GRXCR2: variants seen among roughly 807,000 people sequenced by gnomAD.
GRXCR2 encodes glutaredoxin domain-containing cysteine-rich protein 2.
Under a neutral mutation model 24.8 loss-of-function variants are expected in GRXCR2, and 23 were observed. The ratio of observed to expected loss-of-function variants is 0.93; its 90% CI spans 0.67 to 1.32. The LOEUF is 1.32. Ranked by LOEUF, GRXCR2 falls within the 40% of genes most tolerant of loss-of-function variation. The pLI is 0.00. For synonymous variants in GRXCR2, 130 were observed against 116.1 expected, an observed-to-expected ratio of 1.12 and a Z score of -0.77; for missense variants, 315 against 303.4, an observed-to-expected ratio of 1.04 and a Z score of -0.28.
In GRXCR2 at chr5:145,866,554, C is replaced by G. The variant is rs754874283; in HGVS notation, c.511G>C (p.Asp171His). The change falls in exon 2 of 3, where the codon GAT (aspartate) becomes CAT (histidine). Residue 171 changes from aspartate (D) to histidine (H), a missense_variant. Physicochemically the swap from Asp to His is moderately conservative, Grantham distance 81. Transcript: ENST00000377976. ...EESYGGRDQHDRPLVEAESTL... is the reference protein window; with the variant it reads ...EESYGGRDQHHRPLVEAESTL... ...CTTTCTGCCTCCACCAAAGGTCTATCGTGCTGGTCCCTGCCTCCATAGCTT... is the reference window on the plus strand; with the variant it reads ...CTTTCTGCCTCCACCAAAGGTCTATGGTGCTGGTCCCTGCCTCCATAGCTT... 11 of 1,614,060 alleles carry G rather than the reference C, an allele frequency of 6.8e-6. No homozygotes were observed. Among genetic ancestry groups the G allele is most frequent in the Middle Eastern group, 1.6e-4 (1 of 6,084 alleles).
chr5:145,898,111 C>T (rs1756975042), intron 2 of GRXCR2, among the ~76,000 whole-genome samples: 1 of 151,826 alleles, frequency 6.6e-6, no homozygotes, highest in Non-Finnish European at 1.5e-5. Flanking sequence ...CAAATAAGCA[C>T]AATCAGAAAT....
At chr5:145,870,622 C>T (rs1275127335) in intron 1 of GRXCR2, among the ~76,000 whole-genome samples, 1 of 152,050 alleles carries the variant, frequency 6.6e-6, no homozygotes, top group East Asian at 1.9e-4. Flanking sequence ...GGTCTCATAG[C>T]CAATATTTAC....
chr5:145,894,875 A>G lies in GRXCR2; in HGVS notation c.-69-28147T>C, dbSNP rs1483523470. Among the ~76,000 whole-genome samples the G allele has an allele frequency of 2.6e-5, 4 of 152,322 alleles. No individual in the cohort carries two copies. In the East Asian group the frequency reaches 7.7e-4, roughly 29 times the overall value. ...CAATATCCCTGATGAACATCGATGC[A>G]AAAATCCTCAATAAAATACTGGCAA... On this transcript the variant is annotated intron_variant, in intron 2 of 3. Coordinates refer to the GRXCR2 transcript ENST00000639411.
intron 2 of GRXCR2, among the ~76,000 whole-genome samples, chr5:145,893,207 G>T (rs1474896402): frequency 2.0e-5 from 3 of 152,132 alleles, no homozygotes; most frequent in South Asian, 4.1e-4. Flanking sequence ...ATCAAGGCTA[G>T]GAAGAAACTG....
chr5:145,875,206 C>T (rs113069575), upstream of GRXCR2, among the ~76,000 whole-genome samples: 793 of 152,266 alleles, frequency 5.2e-3, 9 homozygotes, highest in African/African-American at 0.018. Flanking sequence ...GTGAGAGAAA[C>T]CAAATACACA....
intron 2 of GRXCR2, among the ~76,000 whole-genome samples, chr5:145,906,201 T>C (rs1001699473): frequency 6.2e-4 from 94 of 152,236 alleles, no homozygotes; most frequent in African/African-American, 2.3e-3. Flanking sequence ...ACCCCCACTC[T>C]CTCACTCTCC....
At chr5:145,889,348 G>A (rs1756829742) in intron 2 of GRXCR2, among the ~76,000 whole-genome samples, 1 of 152,068 alleles carries the variant, frequency 6.6e-6, no homozygotes, top group South Asian at 2.1e-4. Flanking sequence ...TGGGTGATGG[G>A]TGCACTAAAA....
At chr5:145,877,646 A>G (rs932836677), upstream of GRXCR2, among the ~76,000 whole-genome samples, 1 of 152,246 alleles carries the variant, frequency 6.6e-6, no homozygotes, top group African/African-American at 2.4e-5. Flanking sequence ...AAAGTGATCA[A>G]CGCAGAAGAC....
intron 2 of GRXCR2, among the ~76,000 whole-genome samples, chr5:145,882,663 C>T (rs1004381693): frequency 4.6e-5 from 7 of 152,136 alleles, no homozygotes; most frequent in Non-Finnish European, 7.4e-5. Flanking sequence ...CCAGCCATCC[C>T]ATTACTGGGT....
chr5:145,927,011 A>G (rs1048032186), intron 2 of GRXCR2, among the ~76,000 whole-genome samples: 1 of 152,176 alleles, frequency 6.6e-6, no homozygotes, highest in African/African-American at 2.4e-5. Flanking sequence ...GAGTTCACTC[A>G]TGATTTAGCT....
At chr5:145,864,817 C>A (rs948820679) in intron 2 of GRXCR2, among the ~76,000 whole-genome samples, 12 of 152,020 alleles carry the variant, frequency 7.9e-5, no homozygotes, top group Admixed American at 2.0e-4. Flanking sequence ...AATACAGTGA[C>A]AAAGGGGGTG....
chr5:145,915,140 T>C (rs62393674), intron 2 of GRXCR2, among the ~76,000 whole-genome samples: 2,818 of 152,170 alleles, frequency 0.019, 44 homozygotes, highest in Middle Eastern at 0.031. Flanking sequence ...TGGATGGCTG[T>C]GGTGAGAGTG....
At chr5:145,867,655 C>T (rs1002093345) in intron 1 of GRXCR2, among the ~76,000 whole-genome samples, 5 of 152,174 alleles carry the variant, frequency 3.3e-5, no homozygotes, top group Admixed American at 1.3e-4. Context: ...TGCCTGACTG[C>T]AGCATCTAAA....
chr5:145,903,999 C>G (rs745449651), intron 2 of GRXCR2, among the ~76,000 whole-genome samples: 11 of 152,188 alleles, frequency 7.2e-5, no homozygotes, highest in Non-Finnish European at 1.0e-4. Context: ...GAAAATTTCA[C>G]AACACTTTAG....
intron 2 of GRXCR2, among the ~76,000 whole-genome samples, chr5:145,925,973 AAAC>A (rs1007738731): frequency 2.0e-5 from 3 of 152,166 alleles, no homozygotes; most frequent in African/African-American, 4.8e-5. Flanking sequence ...GACAAAAAAA[AAAC>A]AAGATTGTGG....
upstream of GRXCR2, among the ~76,000 whole-genome samples, chr5:145,876,893 T>C (rs1299035338): frequency 6.6e-6 from 1 of 152,196 alleles, no homozygotes; most frequent in Non-Finnish European, 1.5e-5. Flanking sequence ...ATTTATATCC[T>C]TGAAACCTCC....
chr5:145,886,578 T>G (rs1437334247), intron 2 of GRXCR2, among the ~76,000 whole-genome samples: 1 of 152,146 alleles, frequency 6.6e-6, no homozygotes, highest in East Asian at 1.9e-4. Context: ...GGACAAATTT[T>G]TCTAACTCCT....
intron 2 of GRXCR2, among the ~76,000 whole-genome samples, chr5:145,927,050 A>C (rs1466322465): frequency 6.6e-6 from 1 of 152,126 alleles, no homozygotes; most frequent in Non-Finnish European, 1.5e-5. Flanking sequence ...GGTGTATAAG[A>C]ATGCTTGTGA....
intron 2 of GRXCR2, among the ~76,000 whole-genome samples, chr5:145,863,592 A>T (rs1756376580): frequency 1.3e-5 from 2 of 152,202 alleles, no homozygotes; most frequent in Admixed American, 1.3e-4. Context: ...AGAATTAAAA[A>T]ATTTTATAGT....
Sources: allele counts gnomAD v4.1 joint callset (sites outside exome capture counted in the v4.1 genomes callset), GRCh38; gene constraint gnomAD v4.1.1; transcripts MANE v1.5; gene names NCBI Gene and HGNC (gene_info 2026-07-23, HGNC 2026-07-21).